Variants in ATP11A observed in about 807,000 individuals in gnomAD.
The protein encoded by ATP11A is phospholipid-transporting ATPase IH.
Under a neutral mutation model 154.4 loss-of-function variants are expected in ATP11A, and 81 were observed. The observed-to-expected ratio is 0.52, with a 90% CI of 0.44 to 0.63. The LOEUF is 0.63. Ranked by LOEUF, ATP11A falls within the 30% of genes least tolerant of loss-of-function variation. The pLI, the probability that ATP11A is intolerant of heterozygous loss-of-function variation, is 0.00. For missense variants in ATP11A, 1,316 were observed against 1,474.3 expected (o/e 0.89, Z 1.76); for synonymous variants, 623 against 585.9 (o/e 1.06, Z -0.91).
chr13:112,809,728 G>A (rs1045360185), intron 4 of ATP11A, among the ~76,000 whole-genome samples: 5 of 152,280 alleles, frequency 3.3e-5, no homozygotes, highest in Middle Eastern at 3.4e-3. Flanking sequence ...TACTGAGAAC[G>A]GCATTCCCCA....
At chr13:112,779,529 C>CT (rs2077447676) in intron 1 of ATP11A, among the ~76,000 whole-genome samples, 1 of 152,224 alleles carries the variant, frequency 6.6e-6, no homozygotes, top group Non-Finnish European at 1.5e-5. Flanking sequence ...ATAGTTTTCA[C>CT]TTCCTCGGAG....
At chr13:112,728,786 TCTC>T (rs899213529) in intron 1 of ATP11A, among the ~76,000 whole-genome samples, 91 of 152,300 alleles carry the variant, frequency 6.0e-4, no homozygotes, top group African/African-American at 2.1e-3. Context: ...CTGTTCCTCT[TCTC>T]CTTGTCTATC....
chr13:112,774,126 A>G (rs1381540281), intron 1 of ATP11A, among the ~76,000 whole-genome samples: 2 of 152,238 alleles, frequency 1.3e-5, no homozygotes, highest in African/African-American at 4.8e-5. Context: ...GCAGCCTCCT[A>G]GGAAATGTCC....
intron 17 of ATP11A, among the ~76,000 whole-genome samples, chr13:112,850,696 A>G (rs553891112): frequency 6.6e-6 from 1 of 152,236 alleles, no homozygotes; most frequent in East Asian, 1.9e-4. Context: ...TTAACTCTGC[A>G]TTTGTCAAAA....
intron 2 of ATP11A, among the ~76,000 whole-genome samples, chr13:112,789,194 C>T (rs1187221029): frequency 6.6e-6 from 1 of 150,952 alleles, no homozygotes; most frequent in African/African-American, 2.4e-5. Context: ...CTACTTAATT[C>T]ACACCAGGTG....
intron 2 of ATP11A, among the ~76,000 whole-genome samples, chr13:112,792,146 C>A (rs1170281669): frequency 6.6e-6 from 1 of 152,146 alleles, no homozygotes; most frequent in African/African-American, 2.4e-5. Flanking sequence ...AAAATTACAT[C>A]CGGCAATACC....
rs2080959518 is a variant in ATP11A, at chr13:112,885,366, T to C, written c.*3500T>C. The C allele has an allele frequency of 6.6e-6, 1 of 150,976 alleles. No homozygotes were observed. The highest frequency in any genetic ancestry group is 1.5e-5 in the Non-Finnish European group (1 of 67,778). 9.4% of individuals were successfully genotyped at this position (150,976 alleles called of 1,614,324 possible). A position where few individuals can be genotyped will look rare whatever the true frequency, so the allele number is the denominator to read the frequency against. ...TGCACACACACACGCACACGTACAT[T>C]CACTACAAACGTGCAGCCTCCTGCA... On this transcript the variant is annotated 3_prime_UTR_variant, in exon 30 of 30. Transcript: ENST00000375645.
chr13:112,861,949 A>G (rs2080115421), intron 24 of ATP11A, among the ~76,000 whole-genome samples: 1 of 152,208 alleles, frequency 6.6e-6, no homozygotes, highest in Admixed American at 6.5e-5. Context: ...TCTGAAAGGA[A>G]TCCTGCAAAT....
At chr13:112,698,025 C>A (rs1886082856) in intron 1 of ATP11A, among the ~76,000 whole-genome samples, 1 of 152,204 alleles carries the variant, frequency 6.6e-6, no homozygotes, top group African/African-American at 2.4e-5. Flanking sequence ...CCTGCCCCTG[C>A]TAAAGTTAAG....
At chr13:112,776,107 G>A (rs544258346) in intron 1 of ATP11A, among the ~76,000 whole-genome samples, 1 of 152,330 alleles carries the variant, frequency 6.6e-6, no homozygotes, top group South Asian at 2.1e-4. Flanking sequence ...GCTGCTGCTT[G>A]TTCCAGTGGC....
rs562148789 is a variant in ATP11A, at chr13:112,693,040, A to C, written c.39+2585A>C. On this transcript the variant is annotated intron_variant, in intron 1 of 29. Coordinates refer to ENST00000375645, the MANE Select transcript of ATP11A (RefSeq NM_015205.3). The stretch of plus-strand genomic sequence containing the variant: ...GCTTTCCAGCTCCTTCTGATGTGTG[A>C]GGGTGGCTAAAAGATAAAGAAGTCC... Among the ~76,000 whole-genome samples the C allele has an allele frequency of 2.4e-4, 36 of 152,334 alleles. 1 individual carries two copies. The highest frequency in any genetic ancestry group is 8.7e-4 in the African/African-American group (36 of 41,566).
intron 1 of ATP11A, among the ~76,000 whole-genome samples, chr13:112,733,135 G>A (rs560922862): frequency 6.6e-6 from 1 of 152,188 alleles, no homozygotes; most frequent in Non-Finnish European, 1.5e-5. Flanking sequence ...TAATTATACA[G>A]GCAAACACTA....
rs776441074 is a variant in ATP11A, at chr13:112,746,520, C to T, written c.40-38615C>T. ...TGTTTTGGTAGCAGCCATCCTGCTCCGTGTAGGTAGTATCTCATTGTGGGG... is the reference window on the plus strand; with the variant it reads ...TGTTTTGGTAGCAGCCATCCTGCTCTGTGTAGGTAGTATCTCATTGTGGGG... On this transcript the variant is annotated intron_variant, in intron 1 of 29. Coordinates refer to ENST00000375645, the MANE Select transcript of ATP11A (RefSeq NM_015205.3). This position sits in a 1 kb window ranked among gnomAD's most constrained non-coding sequence, Gnocchi z 4.1. 2.0e-5 allele frequency: 3 copies of T among 152,086 alleles called. No individual in the cohort carries two copies. Among genetic ancestry groups the T allele is most frequent in the Non-Finnish European group, 4.4e-5 (3 of 68,056 alleles). 9.4% of individuals were successfully genotyped at this position (152,086 alleles called of 1,614,324 possible).
chr13:112,818,687 G>A (rs771105983), intron 6 of ATP11A, among the ~76,000 whole-genome samples: 1 of 152,262 alleles, frequency 6.6e-6, no homozygotes, highest in East Asian at 1.9e-4. Context: ...CAGCAGCATC[G>A]GCATCACTGG....
intron 29 of ATP11A, chr13:112,881,616 A>G (rs1288910531): frequency 1.7e-6 from 2 of 1,186,746 alleles, no homozygotes; most frequent in Non-Finnish European, 2.1e-6. Context: ...TCCTAGACAG[A>G]GACCCCTCGC....
intron 25 of ATP11A, among the ~76,000 whole-genome samples, chr13:112,864,471 G>A (rs1385608256): frequency 6.7e-5 from 6 of 88,970 alleles, no homozygotes; most frequent in African/African-American, 2.1e-4. Flanking sequence ...GCTTCCCAGC[G>A]GGGTCCATCA....
intron 28 of ATP11A, among the ~76,000 whole-genome samples, chr13:112,877,479 C>G (rs1032903982): frequency 6.6e-6 from 1 of 152,236 alleles, no homozygotes; most frequent in African/African-American, 2.4e-5. Flanking sequence ...GGGGACGTGG[C>G]AGACACACAT....
At chr13:112,837,923 C>T (rs2079284043) in intron 16 of ATP11A, among the ~76,000 whole-genome samples, 1 of 151,960 alleles carries the variant, frequency 6.6e-6, no homozygotes, top group Non-Finnish European at 1.5e-5. Flanking sequence ...AGGAGGGTGC[C>T]ATGGCTGCTC....
chr13:112,726,181 T>C (rs1027957731), intron 1 of ATP11A, among the ~76,000 whole-genome samples: 4 of 149,348 alleles, frequency 2.7e-5, no homozygotes, highest in Admixed American at 2.7e-4. Context: ...GGGGGCACAG[T>C]GTGCATGCAA....
Sources: allele counts gnomAD v4.1 joint callset (sites outside exome capture counted in the v4.1 genomes callset), GRCh38; gene constraint gnomAD v4.1.1; non-coding constraint Gnocchi (gnomAD v3.1); transcripts MANE v1.5; gene names NCBI Gene and HGNC (gene_info 2026-07-23, HGNC 2026-07-21).